Variants in FNDC3B observed in about 807,000 individuals in gnomAD.
FNDC3B encodes the protein fibronectin type III domain-containing protein 3B.
Under a neutral mutation model 151.5 loss-of-function variants are expected in FNDC3B, and 12 were observed. The observed-to-expected ratio is 0.08, with a 90% CI of 0.05 to 0.13. FNDC3B has a LOEUF of 0.13. Ranked by LOEUF, FNDC3B falls within the 10% of genes least tolerant of loss-of-function variation. The pLI, the probability that FNDC3B is intolerant of heterozygous loss-of-function variation, is 1.00. For synonymous variants in FNDC3B, 528 were observed against 549.0 expected (o/e 0.96, Z 0.54); for missense variants, 1,214 against 1,505.3 (o/e 0.81, Z 3.20).
intron 7 of FNDC3B, among the ~76,000 whole-genome samples, chr3:172,289,559 T>C (rs1730213294): frequency 6.6e-6 from 1 of 152,234 alleles, no homozygotes; most frequent in South Asian, 2.1e-4. Flanking sequence ...GCAGTTTCTG[T>C]CTTTCCTCTT....
intron 3 of FNDC3B, among the ~76,000 whole-genome samples, chr3:172,163,604 C>A (rs1284164309): frequency 6.6e-6 from 1 of 152,124 alleles, no homozygotes; most frequent in East Asian, 1.9e-4. Context: ...TATATGTATT[C>A]TTCAGTGACT....
rs1277415685 is a variant in FNDC3B, at chr3:172,352,842, G to T, written c.2554G>T (p.Val852Phe). ...AGGGGCAGGGCCGTACAGTGAACTT[G>T]TCCTTTGCCAGACGCCAGCGTCTGC... ...QAGAGPYSEL[V>F]LCQTPASAPD... Residue 852 changes from valine (V) to phenylalanine (F), a missense_variant, in exon 22 of 26, where the codon GTC becomes TTC. Val to Phe is a conservative substitution (Grantham distance 50). Coordinates refer to ENST00000415807, the MANE Select transcript of FNDC3B (RefSeq NM_022763.4). The surrounding 1 kb of genome is among the most constrained non-coding windows in gnomAD (Gnocchi z 4.2). 1.2e-6 allele frequency: 2 copies of T among 1,614,018 alleles called. No homozygotes were observed. Among genetic ancestry groups the T allele is most frequent in the Non-Finnish European group, 1.7e-6 (2 of 1,180,030 alleles).
At chr3:172,058,948 A>G (rs1331611444) in intron 1 of FNDC3B, among the ~76,000 whole-genome samples, 1 of 152,244 alleles carries the variant, frequency 6.6e-6, no homozygotes. Flanking sequence ...AGTTTTATGA[A>G]CATTTTCTTT....
intron 6 of FNDC3B, among the ~76,000 whole-genome samples, chr3:172,278,536 G>T (rs1045838713): frequency 6.6e-6 from 1 of 152,180 alleles, no homozygotes; most frequent in Admixed American, 6.5e-5. Context: ...GAAAGGACTG[G>T]TGCTAGAGTT....
chr3:172,165,162 C>A lies in FNDC3B; in HGVS notation c.187+31616C>A, dbSNP rs201919690. Among the ~76,000 whole-genome samples the A allele has an allele frequency of 6.3e-4, 96 of 152,198 alleles. 1 individual carries two copies. Among genetic ancestry groups the A allele is most frequent in the African/African-American group, 2.2e-3 (92 of 41,528 alleles). ...CGGAGTAGCTGGGACTACAGGCATG[C>A]GCCACCATGGCTGAGTTTTGTATCT... On this transcript the variant is annotated intron_variant, in intron 3 of 25. Coordinates refer to ENST00000415807, the MANE Select transcript of FNDC3B (RefSeq NM_022763.4).
intron 1 of FNDC3B, among the ~76,000 whole-genome samples, chr3:172,092,079 C>A (rs1380869713): frequency 6.6e-6 from 1 of 152,104 alleles, no homozygotes; most frequent in Non-Finnish European, 1.5e-5. Flanking sequence ...GCCATCATTA[C>A]TGATAGAAAA....
At chr3:172,112,405 T>G (rs1430663137) in intron 1 of FNDC3B, 47 bp from the exon 2 acceptor site, 12 of 948,336 alleles carry the variant, frequency 1.3e-5, no homozygotes, top group Non-Finnish European at 2.1e-5. Flanking sequence ...TTACAGGTGA[T>G]TTTTGTGGTT....
chr3:172,378,843 C>A (rs56063509), intron 24 of FNDC3B, among the ~76,000 whole-genome samples: 2 of 151,978 alleles, frequency 1.3e-5, no homozygotes, highest in Non-Finnish European at 2.9e-5. Flanking sequence ...TCTCTTTTGG[C>A]GCACAGCTCT....
chr3:172,155,443 A>G (rs1333282702), intron 3 of FNDC3B, among the ~76,000 whole-genome samples: 1 of 152,206 alleles, frequency 6.6e-6, no homozygotes, highest in Non-Finnish European at 1.5e-5. Flanking sequence ...TAGATTATGG[A>G]ACAGAACCAA....
At chr3:172,188,162 AT>A (rs1724301273) in intron 3 of FNDC3B, among the ~76,000 whole-genome samples, 1 of 149,400 alleles carries the variant, frequency 6.7e-6, no homozygotes. Context: ...CGCCCGGCTA[AT>A]TTTGTATTTT....
intron 1 of FNDC3B, among the ~76,000 whole-genome samples, chr3:172,083,201 AC>A (rs1272181043): frequency 6.6e-6 from 1 of 152,206 alleles, no homozygotes; most frequent in African/African-American, 2.4e-5. Context: ...GGGTTCCTGT[AC>A]CACAGAAAAA....
At chr3:172,084,472 T>TACGCACACACACACAC (rs1718447588) in intron 1 of FNDC3B, among the ~76,000 whole-genome samples, 2 of 143,640 alleles carry the variant, frequency 1.4e-5, no homozygotes, top group Admixed American at 1.4e-4. Context: ...TGTATATGTA[T>TACGCACACACACACAC]ACACACACAC....
At chr3:172,199,475 G>A (rs1453519031) in intron 3 of FNDC3B, among the ~76,000 whole-genome samples, 6 of 152,166 alleles carry the variant, frequency 3.9e-5, no homozygotes, top group African/African-American at 9.7e-5. Flanking sequence ...CACCGCGCCC[G>A]GCTAGAATAT....
chr3:172,378,309 G>A lies in FNDC3B; in HGVS notation c.3048G>A (p.Lys1016=). Residue 1016 remains lysine (K), a synonymous_variant, in exon 24 of 26, where the codon AAG becomes AAA. Transcript: ENST00000415807. ...ACAGAGGACCCAGCCACACCTACAA[G>A]GTCCAGAGACTGACGGAATTCACAT... The part of the protein sequence containing the change: ...SIYRGPSHTY[K]VQRLTEFTCY... 1 of 1,612,452 alleles carries A rather than the reference G, an allele frequency of 6.2e-7. No individual in the cohort carries two copies.
chr3:172,386,791 G>C lies in FNDC3B; in HGVS notation c.3303+5698G>C, dbSNP rs116886804. The stretch of plus-strand genomic sequence containing the variant: ...AAAAAAAAAACCTCTGAAGTGTCTA[G>C]AGGTCTGTAAAGCTACACATTTAAT... On this transcript the variant is annotated intron_variant, in intron 25 of 25. Transcript: ENST00000415807. Among the ~76,000 whole-genome samples the C allele has an allele frequency of 2.7e-3, 400 of 149,114 alleles. 8 individuals carry two copies. The East Asian group carries it at 0.058, about 22-fold the overall frequency.
intron 11 of FNDC3B, among the ~76,000 whole-genome samples, chr3:172,320,564 T>G (rs954731547): frequency 6.6e-6 from 1 of 152,186 alleles, no homozygotes; most frequent in African/African-American, 2.4e-5. Flanking sequence ...GAACAGGAAG[T>G]ATCGTTTCCA....
chr3:172,367,269 T>G (rs936387402), intron 23 of FNDC3B, among the ~76,000 whole-genome samples: 1 of 43,200 alleles, frequency 2.3e-5, no homozygotes, highest in African/African-American at 7.0e-5. Flanking sequence ...GATCATTCAA[T>G]CATCGATTTT....
chr3:172,228,141 C>T (rs908702514), intron 4 of FNDC3B, among the ~76,000 whole-genome samples: 8 of 152,066 alleles, frequency 5.3e-5, no homozygotes, highest in Admixed American at 2.6e-4. Flanking sequence ...GCCAGTTTTC[C>T]TGCTGTTGCA....
At position 172,315,406 on chromosome 3, in the gene FNDC3B, C is replaced by T. The variant is rs144120122; in HGVS notation, c.1254+4525C>T. 1.5e-3 allele frequency among the ~76,000 whole-genome samples: 236 copies of T among 152,284 alleles called. 2 individuals are homozygous for T. The highest frequency in any genetic ancestry group is 2.8e-3 in the Non-Finnish European group (193 of 68,002). ...AGAAAAAAAAGGAATTTACAGGTGT[C>T]ATTGGCTTTTCAGCTGTGGCCTTCA... is the stretch of plus-strand genomic sequence containing the variant. On this transcript the variant is annotated intron_variant, in intron 11 of 25. Coordinates refer to ENST00000415807, the MANE Select transcript of FNDC3B (RefSeq NM_022763.4).
Sources: allele counts gnomAD v4.1 joint callset (sites outside exome capture counted in the v4.1 genomes callset), GRCh38; gene constraint gnomAD v4.1.1; non-coding constraint Gnocchi (gnomAD v3.1); transcripts MANE v1.5; gene names NCBI Gene and HGNC (gene_info 2026-07-23, HGNC 2026-07-21).